CHCHD6: variants seen among roughly 807,000 people sequenced by gnomAD.
CHCHD6 encodes coiled-coil-helix-coiled-coil-helix domain containing 6.
A neutral mutation model predicts 32.3 loss-of-function variants in CHCHD6; 28 were observed. The observed-to-expected ratio is 0.87, with a 90% CI of 0.64 to 1.19. CHCHD6 has a LOEUF of 1.19. Among genes scored for constraint, CHCHD6 ranks in the 50% most tolerant of loss-of-function variants. The probability of loss-of-function intolerance (pLI) is 0.00; values close to 1 mark genes in which losing one functional copy is unlikely to be tolerated. For missense variants in CHCHD6, 333 were observed against 307.0 expected, an observed-to-expected ratio of 1.08 and a Z score of -0.63; for synonymous variants, 122 against 117.5, an observed-to-expected ratio of 1.04 and a Z score of -0.25.
At chr3:126,949,048 G>A (rs1351162930) in intron 6 of CHCHD6, among the ~76,000 whole-genome samples, 1 of 152,234 alleles carries the variant, frequency 6.6e-6, no homozygotes, top group Non-Finnish European at 1.5e-5. Flanking sequence ...GCTGTGTGAA[G>A]TCAGTGCATT....
chr3:126,951,186 C>T (rs779344598), intron 6 of CHCHD6, among the ~76,000 whole-genome samples: 10 of 152,200 alleles, frequency 6.6e-5, no homozygotes, highest in Non-Finnish European at 1.2e-4. Context: ...CTCTGTCTCA[C>T]CTGCCGCCAT....
chr3:126,798,868 A>G (rs1938928886), intron 4 of CHCHD6, among the ~76,000 whole-genome samples: 1 of 152,196 alleles, frequency 6.6e-6, no homozygotes, highest in Non-Finnish European at 1.5e-5. Flanking sequence ...GTAGTTGCTG[A>G]ACATTCTAAG....
chr3:126,738,815 A>T (rs966309342), intron 4 of CHCHD6, among the ~76,000 whole-genome samples: 4 of 152,382 alleles, frequency 2.6e-5, no homozygotes, highest in Admixed American at 6.5e-5. Flanking sequence ...AACAAAGTTT[A>T]AAAAGGCTTT....
intron 5 of CHCHD6, among the ~76,000 whole-genome samples, chr3:126,857,178 G>C (rs1022579919): frequency 4.6e-5 from 7 of 152,204 alleles, no homozygotes; most frequent in African/African-American, 1.4e-4. Context: ...TGGGAGGGAA[G>C]GGAGATGCCG....
At chr3:126,873,891 G>C (rs2107569140) in intron 5 of CHCHD6, among the ~76,000 whole-genome samples, 1 of 152,350 alleles carries the variant, frequency 6.6e-6, no homozygotes, top group East Asian at 1.9e-4. Flanking sequence ...CACACAGCTT[G>C]TTAAGTGGTA....
rs984158976 is a variant in CHCHD6, at chr3:126,812,301, T to C, written c.412-40346T>C. Among the ~76,000 whole-genome samples, 4 of 136,160 alleles carry C rather than the reference T, an allele frequency of 2.9e-5. No homozygotes were observed. In the Admixed American group the frequency reaches 3.3e-4, roughly 11 times the overall value. 89.3% of individuals were successfully genotyped at this position (136,160 alleles called of 152,430 possible). ...TTCTCTCTGTGGCCTGATCAGAGTCTTTAGTCCATGTGTGTTTTTTTTTTT... is the reference window on the plus strand; with the variant it reads ...TTCTCTCTGTGGCCTGATCAGAGTCCTTAGTCCATGTGTGTTTTTTTTTTT... On this transcript the variant is annotated intron_variant, in intron 4 of 7. Transcript: ENST00000290913.
chr3:126,715,081 C>T (rs1019901696), intron 1 of CHCHD6, among the ~76,000 whole-genome samples: 39 of 152,104 alleles, frequency 2.6e-4, no homozygotes, highest in African/African-American at 9.2e-4. Context: ...ATGCTCTGCC[C>T]GTCCATCTCC....
chr3:126,894,308 G>A (rs1016174083), intron 5 of CHCHD6, among the ~76,000 whole-genome samples: 1 of 152,202 alleles, frequency 6.6e-6, no homozygotes, highest in African/African-American at 2.4e-5. Flanking sequence ...TCTCCTGAGG[G>A]CCCACAAGGG....
chr3:126,714,872 A>C (rs1348597642), intron 1 of CHCHD6, among the ~76,000 whole-genome samples: 4 of 152,158 alleles, frequency 2.6e-5, no homozygotes, highest in Non-Finnish European at 4.4e-5. Flanking sequence ...GAGGACGATG[A>C]CACCGCTCCT....
In CHCHD6 at chr3:126,952,407, G is replaced by T. The variant is rs545465192; in HGVS notation, c.567-5009G>T. Among the ~76,000 whole-genome samples, 3 of 152,348 alleles carry T rather than the reference G, an allele frequency of 2.0e-5. No homozygotes were observed. The South Asian group carries it at 6.2e-4, about 32-fold the overall frequency. On this transcript the variant is annotated intron_variant, in intron 6 of 7. Transcript: ENST00000290913. ...GGCCACCTGCTGGGCTGCATGGCAG[G>T]CAGGGGACAGCAGGTCTTGAGCTGG...
chr3:126,861,533 CCACCACCACCAG>C (rs768396325), intron 5 of CHCHD6, among the ~76,000 whole-genome samples: 4,216 of 151,654 alleles, frequency 0.028, 58 homozygotes, highest in Middle Eastern at 0.051. Context: ...ACTACCAACA[CCACCACCACCAG>C]CACCACCACC....
chr3:126,882,671 T>TA, intron 5 of CHCHD6, among the ~76,000 whole-genome samples: 1 of 152,210 alleles, frequency 6.6e-6, no homozygotes, highest in East Asian at 1.9e-4. Flanking sequence ...ACCTCCACTT[T>TA]ATACAAGAGC....
At chr3:126,952,485 G>A (rs555322757) in intron 6 of CHCHD6, among the ~76,000 whole-genome samples, 136 of 152,308 alleles carry the variant, frequency 8.9e-4, no homozygotes, top group Non-Finnish European at 1.4e-3. Context: ...GGTGGAGCTC[G>A]CACACAGGCA....
At chr3:126,956,112 A>G (rs2078779891) in intron 6 of CHCHD6, among the ~76,000 whole-genome samples, 1 of 152,186 alleles carries the variant, frequency 6.6e-6, no homozygotes. Flanking sequence ...ACGGCTCTGG[A>G]GACCCTGGTG....
intron 5 of CHCHD6, among the ~76,000 whole-genome samples, chr3:126,862,432 T>C (rs377440497): frequency 2.5e-4 from 26 of 104,294 alleles, no homozygotes; most frequent in African/African-American, 3.8e-4. Flanking sequence ...CACCACCTCC[T>C]CCTCCTCCAC....
intron 5 of CHCHD6, among the ~76,000 whole-genome samples, chr3:126,854,054 A>G (rs1172151795): frequency 6.6e-6 from 1 of 152,166 alleles, no homozygotes; most frequent in Non-Finnish European, 1.5e-5. Context: ...CAGAAAGGAA[A>G]GAGCCTCGCA....
At chr3:126,897,867 G>A (rs529403644) in intron 5 of CHCHD6, among the ~76,000 whole-genome samples, 2 of 152,250 alleles carry the variant, frequency 1.3e-5, no homozygotes, top group East Asian at 3.9e-4. Flanking sequence ...CCCAGCATAG[G>A]AGCCCTCTGC....
chr3:126,774,334 C>T (rs1184596502), intron 4 of CHCHD6, among the ~76,000 whole-genome samples: 1 of 152,078 alleles, frequency 6.6e-6, no homozygotes, highest in Non-Finnish European at 1.5e-5. Context: ...TTGGAAATTA[C>T]AGATTTACAG....
At chr3:126,800,631 A>G (rs547588752) in intron 4 of CHCHD6, among the ~76,000 whole-genome samples, 7 of 152,224 alleles carry the variant, frequency 4.6e-5, no homozygotes, top group Non-Finnish European at 8.8e-5. Context: ...TCCCACCAGC[A>G]GATCAGTGGT....
Sources: allele counts gnomAD v4.1 joint callset (sites outside exome capture counted in the v4.1 genomes callset), GRCh38; gene constraint gnomAD v4.1.1; transcripts MANE v1.5; gene names NCBI Gene and HGNC (gene_info 2026-07-23, HGNC 2026-07-21).